Variants in CDC16 observed in about 807,000 individuals in gnomAD.
CDC16 encodes cell division cycle protein 16 homolog.
In CDC16, 34 loss-of-function variants were observed where a neutral mutation model predicts 87.0. The ratio of observed to expected loss-of-function variants is 0.39; its 90% confidence interval spans 0.30 to 0.52. The LOEUF is 0.52. CDC16 is among the 20% of genes least tolerant of loss of function. The pLI is 0.74. For missense variants in CDC16, 653 were observed against 751.9 expected, an observed-to-expected ratio of 0.87 and a Z score of 1.54; for synonymous variants, 263 against 260.6, an observed-to-expected ratio of 1.01 and a Z score of -0.09.
intron 17 of CDC16, among the ~76,000 whole-genome samples, chr13:114,266,698 CT>C (rs879303491): frequency 0.026 from 3,851 of 146,070 alleles, 143 homozygotes; most frequent in African/African-American, 0.086. Context: ...ATTACTGAAT[CT>C]TTTTTTTTTT....
chr13:114,236,431 G>A (rs1270140951), intron 1 of CDC16, among the ~76,000 whole-genome samples: 2 of 152,120 alleles, frequency 1.3e-5, no homozygotes, highest in Non-Finnish European at 2.9e-5. Flanking sequence ...CATATACAAA[G>A]ATATTACAGG....
chr13:114,246,979 A>C lies in CDC16; in HGVS notation c.946A>C (p.Asn316His). The change falls in exon 11 of 18, where the codon AAT (asparagine) becomes CAT (histidine). Residue 316 changes from asparagine to histidine, a missense_variant. Physicochemically the swap from Asn to His is moderately conservative, Grantham distance 68 (BLOSUM62 1). Coordinates refer to ENST00000356221, the MANE Select transcript of CDC16 (RefSeq NM_001078645.3). ...GCYYLMVGHK[N>H]EHARRYLSKA... is the part of the protein sequence containing the mutation. ...TTACTATCTCATGGTCGGTCATAAA[A>C]ATGAACATGCCAGAAGATATCTCAG... 6.2e-7 allele frequency: 1 copy of C among 1,612,706 alleles called. No homozygotes were observed. Among genetic ancestry groups the C allele is most frequent in the Non-Finnish European group, 8.5e-7 (1 of 1,178,764 alleles).
chr13:114,263,750 T>G (rs1418343468), intron 16 of CDC16, among the ~76,000 whole-genome samples: 1 of 152,190 alleles, frequency 6.6e-6, no homozygotes, highest in African/African-American at 2.4e-5. Flanking sequence ...TCTCTCTCTC[T>G]CTCGTCCCTC....
chr13:114,271,495 G>A (rs1371631820), intron 17 of CDC16, among the ~76,000 whole-genome samples: 1 of 151,534 alleles, frequency 6.6e-6, no homozygotes, highest in Non-Finnish European at 1.5e-5. Flanking sequence ...TTTTTTTTGA[G>A]ATGGAATCTC....
intron 6 of CDC16, among the ~76,000 whole-genome samples, chr13:114,243,016 G>C (rs1237365318): frequency 6.6e-6 from 1 of 152,132 alleles, no homozygotes; most frequent in South Asian, 2.1e-4. Flanking sequence ...GTGGTTCTTA[G>C]GTGACAAGAG....
intron 17 of CDC16, among the ~76,000 whole-genome samples, chr13:114,267,289 A>T (rs1219914412): frequency 6.6e-6 from 1 of 152,010 alleles, no homozygotes; most frequent in Non-Finnish European, 1.5e-5. Flanking sequence ...GGAGTTCAAG[A>T]CCAACCTGGT....
chr13:114,271,601 AGTAGCTGGGACTACAG>A (rs2083663300), intron 17 of CDC16, among the ~76,000 whole-genome samples: 1 of 151,554 alleles, frequency 6.6e-6, no homozygotes, highest in Admixed American at 6.6e-5. Context: ...CAGCCTCCTG[AGTAGCTGGGACTACAG>A]GCACCCGCCA....
chr13:114,235,178 CTT>C (rs1186825388), intron 1 of CDC16, 46 bp downstream of exon 1: 95 of 1,204,138 alleles, frequency 7.9e-5, no homozygotes, highest in Non-Finnish European at 9.5e-5. Context: ...CTCGCCGGGT[CTT>C]TTTCCGCGCG....
At chr13:114,247,353 G>C in intron 11 of CDC16, 1 of 208,984 alleles carries the variant, frequency 4.8e-6, no homozygotes, top group Non-Finnish European at 9.5e-6. Flanking sequence ...TTTTTTAGTA[G>C]AGACGAATCT....
In CDC16 at chr13:114,245,997, C is replaced by G; in HGVS notation, c.848-3C>G. 1 of 1,476,172 alleles carries G rather than the reference C, an allele frequency of 6.8e-7. No individual in the cohort carries two copies. Among genetic ancestry groups the G allele is most frequent in the Non-Finnish European group, 9.4e-7 (1 of 1,068,334 alleles). The allele number at this position is 1,476,172 out of a possible 1,614,324, so 91.4% of individuals were successfully genotyped here. ...TGTTCTTTTTCTGCTTTTTCCTGAACAGAACTTTTCTATCTTTCTCATAAA... is the reference window on the plus strand; with the variant it reads ...TGTTCTTTTTCTGCTTTTTCCTGAAGAGAACTTTTCTATCTTTCTCATAAA... On this transcript the variant is annotated splice_polypyrimidine_tract_variant and splice_region_variant and intron_variant, in intron 9 of 17. Coordinates refer to ENST00000356221, the MANE Select transcript of CDC16 (RefSeq NM_001078645.3).
chr13:114,256,753 C>T (rs1046472975), intron 12 of CDC16, among the ~76,000 whole-genome samples: 1 of 152,122 alleles, frequency 6.6e-6, no homozygotes, highest in African/African-American at 2.4e-5. Flanking sequence ...AGACCAGTGT[C>T]GGCTGGGGCA....
At chr13:114,250,749 A>C in intron 12 of CDC16, 75 bp downstream of exon 12, 3 of 1,419,428 alleles carry the variant, frequency 2.1e-6, no homozygotes. Flanking sequence ...TATTACTATT[A>C]CTGCTATTTG....
rs771886807 is a variant in CDC16 at position 114,236,882 on chromosome 13, C to T, written c.187C>T (p.Arg63Ter). ...YHRAAHALRS[R>*]KLDKLYEACR... ...CAGAGCCGCCCATGCACTTCGGTCA[C>T]GAAAACTGGACAAAGTAAGTGATGG... The change falls in exon 3 of 18, where the codon CGA becomes TGA. Residue 63 changes from arginine (R) to a stop codon, truncating the protein, a stop_gained. Coordinates refer to ENST00000356221, the MANE Select transcript of CDC16 (RefSeq NM_001078645.3). LOFTEE classifies it high-confidence loss of function. 4 of 1,587,500 alleles carry T rather than the reference C, an allele frequency of 2.5e-6. No individual in the cohort carries two copies. The highest frequency in any genetic ancestry group is 2.6e-6 in the Non-Finnish European group (3 of 1,170,492).
intron 12 of CDC16, 49 bp downstream of exon 12, chr13:114,250,723 A>G: frequency 6.3e-7 from 1 of 1,586,290 alleles, no homozygotes; most frequent in Non-Finnish European, 8.6e-7. Context: ...GTTTTTCCTA[A>G]TAGAAATGAA....
At chr13:114,246,518 T>G (rs1360122547) in intron 10 of CDC16, among the ~76,000 whole-genome samples, 1 of 152,082 alleles carries the variant, frequency 6.6e-6, no homozygotes, top group Non-Finnish European at 1.5e-5. Flanking sequence ...AAGGACAAAA[T>G]CAGGAATCAG....
At chr13:114,269,018 C>G (rs1216106481) in intron 17 of CDC16, among the ~76,000 whole-genome samples, 2 of 152,120 alleles carry the variant, frequency 1.3e-5, no homozygotes, top group Non-Finnish European at 2.9e-5. Context: ...TATCAGCTCT[C>G]TATTGCTGCC....
In CDC16 at chr13:114,243,709, C is replaced by G. The variant is rs151253944; in HGVS notation, c.634-147C>G. On this transcript the variant is annotated intron_variant, in intron 7 of 17. Transcript: ENST00000356221. ...GGAATTAAACTTACTGAGAGGAGTA[C>G]TTATAAAACCTAAAGTTATAAGTTT... is the stretch of plus-strand genomic sequence containing the variant. 2.9e-4 allele frequency: 172 copies of G among 601,754 alleles called. 1 individual carries two copies. The African/African-American group carries it at 3.0e-3, about 11-fold the overall frequency. 37.3% of individuals were successfully genotyped at this position (601,754 alleles called of 1,614,324 possible). A position where few individuals can be genotyped will look rare whatever the true frequency, so the allele number is the denominator to read the frequency against.
Position 114,272,471 on chromosome 13 carries a change from T to TC in CDC16, c.*31dup, listed in dbSNP as rs567676063. 1 of 1,601,594 alleles carries TC rather than the reference T, an allele frequency of 6.2e-7. No homozygotes were observed. Among genetic ancestry groups the TC allele is most frequent in the Non-Finnish European group, 8.5e-7 (1 of 1,171,270 alleles). On this transcript the variant is annotated 3_prime_UTR_variant, in exon 18 of 18. Coordinates refer to ENST00000356221, the MANE Select transcript of CDC16 (RefSeq NM_001078645.3). ...CCAGTCAGTGGTCCTGGTCCCACTG[T>TC]CCCAGTGTAGGTTAGTATTCCTTCA...
At chr13:114,258,227 G>C (rs1017100236) in intron 13 of CDC16, among the ~76,000 whole-genome samples, 3 of 152,130 alleles carry the variant, frequency 2.0e-5, no homozygotes, top group African/African-American at 7.2e-5. Flanking sequence ...ATCAGTATTT[G>C]CGAATTTGCC....
Sources: gnomAD v4.1 joint callset for allele counts (sites outside exome capture counted in the v4.1 genomes callset) on GRCh38, gnomAD v4.1.1 for gene constraint, MANE v1.5 for transcripts, NCBI Gene and HGNC (gene_info 2026-07-23, HGNC 2026-07-21) for gene names.